Variants in SETBP1 observed in about 807,000 individuals in gnomAD.
SETBP1 encodes the protein SET binding protein 1, also known as SET-binding protein.
In SETBP1, 9 loss-of-function variants were observed where a neutral mutation model predicts 101.0. That is an observed-to-expected ratio of 0.09 (90% CI 0.05 to 0.16). The LOEUF (loss-of-function observed/expected upper bound fraction) is 0.16. Ranked by LOEUF, SETBP1 falls within the 10% of genes least tolerant of loss-of-function variation. SETBP1 has a pLI of 1.00. For synonymous variants in SETBP1, 818 were observed against 788.5 expected, an observed-to-expected ratio of 1.04 and a Z score of -0.63; for missense variants, 1,858 against 2,033.8, an observed-to-expected ratio of 0.91 and a Z score of 1.66.
intron 2 of SETBP1, among the ~76,000 whole-genome samples, chr18:44,702,329 A>C (rs757640502): frequency 3.3e-5 from 5 of 152,274 alleles, no homozygotes; most frequent in Middle Eastern, 3.4e-3. Flanking sequence ...CTTGAAGTTC[A>C]AGCCCGTGTT....
intron 2 of SETBP1, among the ~76,000 whole-genome samples, chr18:44,811,968 A>G (rs57012139): frequency 0.016 from 2,436 of 152,306 alleles, 53 homozygotes; most frequent in East Asian, 0.12. Flanking sequence ...TAACAGCTTG[A>G]TCCCATTCCC....
At chr18:45,033,303 G>A (rs1287774706) in intron 4 of SETBP1, among the ~76,000 whole-genome samples, 1 of 152,200 alleles carries the variant, frequency 6.6e-6, no homozygotes, top group East Asian at 1.9e-4. Context: ...ATGGATTTCA[G>A]CTTCGCTTCG....
intron 4 of SETBP1, among the ~76,000 whole-genome samples, chr18:44,969,859 C>T (rs373789140): frequency 3.3e-5 from 5 of 152,306 alleles, no homozygotes; most frequent in East Asian, 1.9e-4. Context: ...ACACAACACT[C>T]CCCTTAAACT....
chr18:44,721,281 A>G (rs2069589073), intron 2 of SETBP1, among the ~76,000 whole-genome samples: 1 of 152,184 alleles, frequency 6.6e-6, no homozygotes, highest in African/African-American at 2.4e-5. Flanking sequence ...GTATGCACAA[A>G]GGTCCTGAAT....
At chr18:44,799,447 A>G (rs1464283660) in intron 2 of SETBP1, among the ~76,000 whole-genome samples, 1 of 152,128 alleles carries the variant, frequency 6.6e-6, no homozygotes, top group Non-Finnish European at 1.5e-5. Flanking sequence ...GCGTAGAAAC[A>G]CATTCCTTAC....
chr18:45,032,991 A>T (rs2073327640), intron 4 of SETBP1, among the ~76,000 whole-genome samples: 1 of 152,200 alleles, frequency 6.6e-6, no homozygotes, highest in Non-Finnish European at 1.5e-5. Context: ...CATATTTAAA[A>T]ATAAAATTTT....
intron 2 of SETBP1, among the ~76,000 whole-genome samples, chr18:44,746,218 G>A (rs534303282): frequency 6.6e-6 from 1 of 152,324 alleles, no homozygotes; most frequent in East Asian, 1.9e-4. Flanking sequence ...TATGTAGTGG[G>A]ACTGCCTTTG....
In SETBP1 at chr18:44,950,671, G is replaced by C. The variant is rs555281601; in HGVS notation, c.1331G>C (p.Ser444Thr). ...EKALASGITM[S>T]SEVVNRILSN... is the part of the protein sequence containing the mutation. The stretch of plus-strand genomic sequence containing the variant: ...GCCTTGGCTTCTGGAATCACCATGA[G>C]CAGTGAAGTAGTTAACAGGATACTT... The change falls in exon 4 of 6, where the codon AGC (serine) becomes ACC (threonine). Residue 444 changes from serine to threonine, a missense_variant. By Grantham distance (58) the Ser-to-Thr change is moderately conservative. Around this residue, in one of 12 missense-constraint regions of SETBP1, gnomAD observed 581 missense variants for 535.1 expected, o/e 1.09. Transcript: ENST00000649279. 1 of 1,614,156 alleles carries C rather than the reference G, an allele frequency of 6.2e-7. No individual in the cohort carries two copies. The highest frequency in any genetic ancestry group is 1.3e-5 in the African/African-American group (1 of 75,032).
intron 2 of SETBP1, among the ~76,000 whole-genome samples, chr18:44,730,490 C>T (rs767843164): frequency 2.5e-4 from 38 of 152,354 alleles, no homozygotes; most frequent in Middle Eastern, 3.4e-3. Context: ...TGAGGAACCT[C>T]GCTCTTTTCT....
intron 2 of SETBP1, among the ~76,000 whole-genome samples, chr18:44,748,562 G>A (rs2070313234): frequency 6.6e-6 from 1 of 152,192 alleles, no homozygotes; most frequent in Admixed American, 6.5e-5. Flanking sequence ...TTATGCAGTG[G>A]GTCAGTTGAT....
chr18:44,752,112 C>A (rs867139612), intron 2 of SETBP1, among the ~76,000 whole-genome samples: 1 of 151,994 alleles, frequency 6.6e-6, no homozygotes, highest in African/African-American at 2.4e-5. Context: ...CAGGATACAA[C>A]ATTTAAATAC....
chr18:45,003,795 T>G (rs913093949), intron 4 of SETBP1, among the ~76,000 whole-genome samples: 3 of 152,202 alleles, frequency 2.0e-5, no homozygotes, highest in African/African-American at 7.2e-5. Context: ...CTTCGTAATC[T>G]AAATGTGGTG....
chr18:45,056,202 T>G (rs931073404), intron 5 of SETBP1, among the ~76,000 whole-genome samples: 1 of 152,242 alleles, frequency 6.6e-6, no homozygotes, highest in Non-Finnish European at 1.5e-5. Flanking sequence ...ATATAAAGTA[T>G]TGTATGGGTC....
At chr18:44,850,836 T>A (rs2072839975) in intron 2 of SETBP1, among the ~76,000 whole-genome samples, 1 of 152,184 alleles carries the variant, frequency 6.6e-6, no homozygotes, top group Non-Finnish European at 1.5e-5. Flanking sequence ...TAAATCACAG[T>A]AGATGTTCAT....
At chr18:44,834,484 G>A (rs1414918659) in intron 2 of SETBP1, among the ~76,000 whole-genome samples, 1 of 152,294 alleles carries the variant, frequency 6.6e-6, no homozygotes, top group Admixed American at 6.5e-5. Flanking sequence ...TGTTTGTCAA[G>A]CAGGAAGAGT....
At chr18:44,953,716 G>T (rs886274001) in intron 4 of SETBP1, among the ~76,000 whole-genome samples, 13 of 152,160 alleles carry the variant, frequency 8.5e-5, no homozygotes, top group Admixed American at 3.3e-4. Context: ...ATACTAATAA[G>T]ATCCAAGAAT....
intron 2 of SETBP1, among the ~76,000 whole-genome samples, chr18:44,734,194 A>G (rs1171471656): frequency 2.0e-5 from 3 of 152,248 alleles, no homozygotes; most frequent in African/African-American, 7.2e-5. Context: ...TAAATGGTAA[A>G]TGTGCTATAA....
At chr18:44,778,657 T>C (rs945246391) in intron 2 of SETBP1, among the ~76,000 whole-genome samples, 2 of 152,244 alleles carry the variant, frequency 1.3e-5, no homozygotes, top group African/African-American at 4.8e-5. Context: ...TTTCTAGTAC[T>C]CTTCAAAGAT....
intron 3 of SETBP1, among the ~76,000 whole-genome samples, chr18:44,888,160 C>T (rs769782460): frequency 4.6e-5 from 7 of 152,092 alleles, no homozygotes; most frequent in Non-Finnish European, 7.4e-5. Flanking sequence ...TCAATTTCTA[C>T]ACCAGGTTCC....
Sources: allele counts gnomAD v4.1 joint callset (sites outside exome capture counted in the v4.1 genomes callset), GRCh38; gene constraint gnomAD v4.1.1; regional missense constraint gnomAD v4.1.1; transcripts MANE v1.5; gene names NCBI Gene and HGNC (gene_info 2026-07-23, HGNC 2026-07-21).